Variants in RPH3AL observed in about 807,000 individuals in gnomAD.
The protein encoded by RPH3AL is rabphilin 3A like (without C2 domains).
Under a neutral mutation model 43.1 loss-of-function variants are expected in RPH3AL, and 38 were observed. The observed-to-expected ratio is 0.88, with a 90% CI of 0.68 to 1.15. RPH3AL has a LOEUF of 1.15. Among genes scored for constraint, RPH3AL ranks in the 50% most tolerant of loss-of-function variants. The pLI is 0.00. For missense variants in RPH3AL, 462 were observed against 423.2 expected (o/e 1.09, Z -0.81); for synonymous variants, 189 against 176.3 (o/e 1.07, Z -0.57).
intron 2 of RPH3AL, chr17:332,809 G>A (rs1490126064): frequency 8.8e-6 from 3 of 339,316 alleles, no homozygotes; most frequent in African/African-American, 4.3e-5. Context: ...ACCTCCTGGT[G>A]CCACCTCGAC....
At position 283,075 on chromosome 17, in the gene RPH3AL, G is replaced by C. The variant is rs2042819707; in HGVS notation, c.352-1221C>G. ...CCAGGCAGAGTCTGATTCAGCGATC[G>C]CTGGCGACTCCTCAGGACTGTTGCC... is the stretch of plus-strand genomic sequence containing the variant. On this transcript the variant is annotated intron_variant, in intron 5 of 9. Coordinates refer to ENST00000331302, the MANE Select transcript of RPH3AL (RefSeq NM_006987.4). The surrounding 1 kb of genome is among the most constrained non-coding windows in gnomAD (Gnocchi z 4.2). Among the ~76,000 whole-genome samples, 1 of 152,188 alleles carries C rather than the reference G, an allele frequency of 6.6e-6. No individual in the cohort carries two copies.
At position 236,685 on chromosome 17, in the gene RPH3AL, C is replaced by T. The variant is rs573924042; in HGVS notation, c.613+10426G>A. Among the ~76,000 whole-genome samples the T allele has an allele frequency of 2.9e-3, 448 of 152,362 alleles. 3 individuals are homozygous for T. The highest frequency in any genetic ancestry group is 0.01 in the African/African-American group (423 of 41,584). On this transcript the variant is annotated intron_variant, in intron 7 of 9. Transcript: ENST00000331302. The stretch of plus-strand genomic sequence containing the variant: ...CTCGCGGCCTCGCCAGCCTTCGTCT[C>T]CCGCCCTGATTCTGGGAGAACCTTC...
chr17:280,589 C>T (rs1199365650), intron 6 of RPH3AL, among the ~76,000 whole-genome samples: 1 of 152,176 alleles, frequency 6.6e-6, no homozygotes, highest in African/African-American at 2.4e-5. Context: ...GGACTATTAT[C>T]ACACAGGATG....
chr17:323,881 C>G lies in RPH3AL; in HGVS notation c.78-2466G>C, dbSNP rs954696404. Among the ~76,000 whole-genome samples, 1 of 151,344 alleles carries G rather than the reference C, an allele frequency of 6.6e-6. No homozygotes were observed. The highest frequency in any genetic ancestry group is 1.5e-5 in the Non-Finnish European group (1 of 67,802). ...GGCAGGCCTGGACCCTCAGTCACCCCCCAAGGCAGGCCCAGACCCTTACAG... is the reference window on the plus strand; with the variant it reads ...GGCAGGCCTGGACCCTCAGTCACCCGCCAAGGCAGGCCCAGACCCTTACAG... On this transcript the variant is annotated intron_variant, in intron 3 of 9. Coordinates refer to ENST00000331302, the MANE Select transcript of RPH3AL (RefSeq NM_006987.4). This position sits in a 1 kb window ranked among gnomAD's most constrained non-coding sequence, Gnocchi z 4.4.
intron 5 of RPH3AL, among the ~76,000 whole-genome samples, chr17:311,081 T>G (rs2043634946): frequency 6.6e-6 from 1 of 151,848 alleles, no homozygotes; most frequent in Non-Finnish European, 1.5e-5. Context: ...CCTCTACACC[T>G]GCCCATTCAC....
At chr17:282,493 T>C (rs1469386687) in intron 5 of RPH3AL, among the ~76,000 whole-genome samples, 2 of 152,136 alleles carry the variant, frequency 1.3e-5, no homozygotes, top group Non-Finnish European at 2.9e-5. Flanking sequence ...GACGCAGAAA[T>C]AACCAGAATC....
intron 1 of RPH3AL, among the ~76,000 whole-genome samples, chr17:350,578 T>C (rs2045334175): frequency 6.6e-6 from 1 of 152,124 alleles, no homozygotes; most frequent in Non-Finnish European, 1.5e-5. Flanking sequence ...ACCAGTGCAC[T>C]CTAGCTGGTG....
At chr17:352,436 C>G (rs894327922) in intron 1 of RPH3AL, among the ~76,000 whole-genome samples, 2 of 151,902 alleles carry the variant, frequency 1.3e-5, no homozygotes, top group Non-Finnish European at 2.9e-5. Context: ...TCTCCAGCCC[C>G]GGCTGCCTCT....
Position 295,577 on chromosome 17 carries a change from G to A in RPH3AL, c.352-13723C>T, listed in dbSNP as rs199796859. Among the ~76,000 whole-genome samples the A allele has an allele frequency of 3.9e-3, 48 of 12,208 alleles. 1 individual carries two copies. The East Asian group carries it at 0.06, about 15-fold the overall frequency. 8.0% of individuals were successfully genotyped at this position (12,208 alleles called of 152,430 possible). Reference sequence around the variant, plus strand: ...ACAGAGGAGCTGCAGAAATGGATGGGCAGAGGGAATGCACATCAGTGTGGG... The same window carrying A: ...ACAGAGGAGCTGCAGAAATGGATGGACAGAGGGAATGCACATCAGTGTGGG... On this transcript the variant is annotated intron_variant, in intron 5 of 9. Coordinates refer to ENST00000331302, the MANE Select transcript of RPH3AL (RefSeq NM_006987.4).
intron 2 of RPH3AL, chr17:332,836 C>T (rs1007077397): frequency 4.7e-5 from 19 of 406,370 alleles, no homozygotes; most frequent in African/African-American, 2.5e-4. Context: ...GGGCGACACA[C>T]GCTGAGCAGA....
At chr17:316,634 CCTCCAT>C (rs2044218823) in intron 5 of RPH3AL, among the ~76,000 whole-genome samples, 3 of 148,962 alleles carry the variant, frequency 2.0e-5, no homozygotes, top group Admixed American at 6.7e-5. Flanking sequence ...CTGTACTCCA[CCTCCAT>C]TGACCTGCAG....
At position 215,077 on chromosome 17, in the gene RPH3AL, A is replaced by G. The variant is rs1187634681; in HGVS notation, c.876+577T>C. ...CGGAGATCAGCTGCTGCCCTGGTGC[A>G]TGCGTGTACCCATGAATCCTCTGGC... On this transcript the variant is annotated intron_variant, in intron 9 of 9. Coordinates refer to ENST00000331302, the MANE Select transcript of RPH3AL (RefSeq NM_006987.4). The surrounding 1 kb of genome is among the most constrained non-coding windows in gnomAD (Gnocchi z 4.1). 1.3e-5 allele frequency among the ~76,000 whole-genome samples: 2 copies of G among 152,168 alleles called. No homozygotes were observed.
At chr17:314,346 G>C (rs999904298) in intron 5 of RPH3AL, among the ~76,000 whole-genome samples, 2 of 151,562 alleles carry the variant, frequency 1.3e-5, no homozygotes, top group African/African-American at 2.4e-5. Context: ...GCCAGCTCCC[G>C]TTCTCCCAGG....
intron 5 of RPH3AL, among the ~76,000 whole-genome samples, chr17:314,835 C>T (rs1289712865): frequency 1.2e-3 from 170 of 145,168 alleles, no homozygotes; most frequent in African/African-American, 4.5e-3. Flanking sequence ...TCTCTGTGCT[C>T]CACCTCCATT....
intron 6 of RPH3AL, among the ~76,000 whole-genome samples, chr17:278,203 G>C (rs1033796365): frequency 6.6e-6 from 1 of 152,108 alleles, no homozygotes; most frequent in African/African-American, 2.4e-5. Flanking sequence ...TGAGTCTCAC[G>C]AGATCTGATG....
At chr17:317,343 G>C (rs1555519890) in intron 5 of RPH3AL, among the ~76,000 whole-genome samples, 1 of 146,252 alleles carries the variant, frequency 6.8e-6, no homozygotes, top group Non-Finnish European at 1.5e-5. Flanking sequence ...CCATTGACCT[G>C]AAGTCCCTGT....
chr17:350,218 G>C (rs1267821743), intron 1 of RPH3AL, among the ~76,000 whole-genome samples: 1 of 152,164 alleles, frequency 6.6e-6, no homozygotes, highest in African/African-American at 2.4e-5. Context: ...TGGGCGCGGT[G>C]GCTCACGCCT....
At chr17:238,249 A>T (rs1388795187) in intron 7 of RPH3AL, among the ~76,000 whole-genome samples, 1 of 152,050 alleles carries the variant, frequency 6.6e-6, no homozygotes, top group Non-Finnish European at 1.5e-5. Context: ...GGAGGGACAG[A>T]AAGAGAGAGA....
chr17:301,630 G>C (rs2151638525), intron 5 of RPH3AL, among the ~76,000 whole-genome samples: 1 of 152,214 alleles, frequency 6.6e-6, no homozygotes, highest in Admixed American at 6.5e-5. Flanking sequence ...ATTAAAACAG[G>C]GTCTCGCTTT....
Sources: gnomAD v4.1 joint callset for allele counts (sites outside exome capture counted in the v4.1 genomes callset) on GRCh38, gnomAD v4.1.1 for gene constraint, Gnocchi (gnomAD v3.1) non-coding constraint, MANE v1.5 for transcripts, NCBI Gene and HGNC (gene_info 2026-07-23, HGNC 2026-07-21) for gene names.